The following ARID2 variants were observed in gnomAD, a reference collection of about 807,000 sequenced individuals.
ARID2 encodes the protein AT-rich interaction domain 2.
In ARID2, 32 loss-of-function variants were observed where a neutral mutation model predicts 184.6. That is an observed-to-expected ratio of 0.17 (90% CI 0.13 to 0.23). The LOEUF (loss-of-function observed/expected upper bound fraction) is 0.23. Among genes scored for constraint, ARID2 ranks in the 10% least tolerant of loss-of-function variants. The pLI is 1.00. For synonymous variants in ARID2, 836 were observed against 772.6 expected (o/e 1.08, Z -1.36); for missense variants, 1,696 against 2,197.6 (o/e 0.77, Z 4.56).
chr12:45,849,993 A>C, intron 14 of ARID2, 43 bp from the exon 15 acceptor site: 1 of 1,545,260 alleles, frequency 6.5e-7, no homozygotes, highest in Non-Finnish European at 8.7e-7. Context: ...TGGGATTTTC[A>C]GTCATTTCAT....
chr12:45,746,266 A>G (rs1362965113), intron 3 of ARID2, among the ~76,000 whole-genome samples: 4 of 152,056 alleles, frequency 2.6e-5, no homozygotes, highest in Admixed American at 6.6e-5. Flanking sequence ...GTGTGCCACC[A>G]TACCTGGCTG....
chr12:45,817,524 G>GA, intron 4 of ARID2, 146 bp from the exon 5 acceptor site: 1 of 218,650 alleles, frequency 4.6e-6, no homozygotes, highest in Non-Finnish European at 8.4e-6. Context: ...CCTCTAATCA[G>GA]TTTATATTTT....
At chr12:45,774,301 C>G (rs1297735740) in intron 3 of ARID2, among the ~76,000 whole-genome samples, 2 of 151,324 alleles carry the variant, frequency 1.3e-5, no homozygotes, top group African/African-American at 4.8e-5. Context: ...AGGTCTGTTA[C>G]AAGAATAAAG....
intron 3 of ARID2, among the ~76,000 whole-genome samples, chr12:45,793,698 C>T (rs1238878911): frequency 6.6e-6 from 1 of 151,366 alleles, no homozygotes; most frequent in Non-Finnish European, 1.5e-5. Flanking sequence ...TATACACACA[C>T]ACACACATAT....
chr12:45,731,949 A>G (rs1423577945), intron 3 of ARID2, among the ~76,000 whole-genome samples: 1 of 151,992 alleles, frequency 6.6e-6, no homozygotes. Context: ...ATGAAATGGG[A>G]TACTATAATC....
chr12:45,850,187 T>G lies in ARID2; in HGVS notation c.2064T>G (p.Pro688=). The G allele has an allele frequency of 6.2e-7, 1 of 1,614,120 alleles. No individual in the cohort carries two copies. The highest frequency in any genetic ancestry group is 8.5e-7 in the Non-Finnish European group (1 of 1,179,986). The part of the protein sequence containing the change: ...AQTVSRIPQN[P]SPHTHQQQNA... ...CTGTTTCAAGAATTCCACAAAATCC[T>G]TCACCTCATACCCACCAGCAACAAA... The change falls in exon 15 of 21, where the codon CCT becomes CCG. Residue 688 remains proline (P), a synonymous_variant. Transcript: ENST00000334344.
chr12:45,730,257 T>C, intron 2 of ARID2, 120 bp downstream of exon 2: 1 of 892,884 alleles, frequency 1.1e-6, no homozygotes, highest in Admixed American at 3.1e-5. Context: ...AGGCGTTCTT[T>C]TCGCTCCCAG....
At chr12:45,773,831 C>T (rs1941925433) in intron 3 of ARID2, among the ~76,000 whole-genome samples, 1 of 152,090 alleles carries the variant, frequency 6.6e-6, no homozygotes, top group South Asian at 2.1e-4. Flanking sequence ...AAAATTAGTA[C>T]AGATTCTTCA....
chr12:45,899,810 G>C (rs1294097781), intron 20 of ARID2, among the ~76,000 whole-genome samples: 1 of 148,098 alleles, frequency 6.8e-6, no homozygotes, highest in Non-Finnish European at 1.5e-5. Flanking sequence ...GGGGGAGCCT[G>C]CAACAATTTG....
intron 16 of ARID2, among the ~76,000 whole-genome samples, chr12:45,883,069 G>A (rs528051895): frequency 6.6e-6 from 1 of 152,130 alleles, no homozygotes; most frequent in East Asian, 1.9e-4. Flanking sequence ...TAGATATTTT[G>A]CTAATATTAC....
At chr12:45,773,400 G>T (rs1338044421) in intron 3 of ARID2, among the ~76,000 whole-genome samples, 2 of 151,880 alleles carry the variant, frequency 1.3e-5, no homozygotes, top group Non-Finnish European at 2.9e-5. Flanking sequence ...GGTTCAAGAA[G>T]AAATTAATGA....
chr12:45,853,516 T>G (rs767754498), intron 15 of ARID2, among the ~76,000 whole-genome samples: 9 of 152,220 alleles, frequency 5.9e-5, no homozygotes, highest in Admixed American at 2.0e-4. Context: ...ATGCCTAAGA[T>G]TCCATCTCTG....
At chr12:45,904,357 T>C (rs753924206) in intron 20 of ARID2, 2 of 716,360 alleles carry the variant, frequency 2.8e-6, no homozygotes, top group South Asian at 1.5e-5. Flanking sequence ...TGAATGAAGA[T>C]TGAAAAAGAA....
chr12:45,761,314 T>G (rs934360303), intron 3 of ARID2, among the ~76,000 whole-genome samples: 2 of 152,232 alleles, frequency 1.3e-5, no homozygotes, highest in Non-Finnish European at 2.9e-5. Context: ...TCTTCTAAAA[T>G]TTTTTCCTTC....
At chr12:45,826,366 AAG>A (rs377521701) in intron 6 of ARID2, among the ~76,000 whole-genome samples, 5 of 151,020 alleles carry the variant, frequency 3.3e-5, no homozygotes, top group Non-Finnish European at 4.4e-5. Context: ...ATAGTGGGAA[AAG>A]AGAGAGAGAG....
At chr12:45,839,720 G>A (rs986123519) in intron 11 of ARID2, 17 of 410,478 alleles carry the variant, frequency 4.1e-5, no homozygotes, top group Middle Eastern at 6.3e-4. Context: ...AATTAAGTTC[G>A]GCAGGATTTA....
In ARID2 at chr12:45,793,571, A is replaced by ATT. The variant is rs1248233112; in HGVS notation, c.285-17846_285-17845dup. Among the ~76,000 whole-genome samples, 7 of 151,266 alleles carry ATT rather than the reference A, an allele frequency of 4.6e-5. No homozygotes were observed. The South Asian group carries it at 8.3e-4, about 18-fold the overall frequency. On this transcript the variant is annotated intron_variant, in intron 3 of 20. Transcript: ENST00000334344. ...TGTGTGTGTGTGTGTGTGTATATGT[A>ATT]TTATATATATATGCTATATATGTCA...
intron 12 of ARID2, among the ~76,000 whole-genome samples, chr12:45,847,631 T>C (rs915580248): frequency 6.6e-6 from 1 of 152,070 alleles, no homozygotes; most frequent in Non-Finnish European, 1.5e-5. Context: ...TCCAATGATA[T>C]ATCACTTTAA....
chr12:45,877,763 G>A (rs991622367), intron 16 of ARID2, among the ~76,000 whole-genome samples: 35 of 151,964 alleles, frequency 2.3e-4, no homozygotes, highest in Admixed American at 8.5e-4. Flanking sequence ...TTTATTATCT[G>A]TTAGATCAAT....
Sources: gnomAD v4.1 joint callset for allele counts (sites outside exome capture counted in the v4.1 genomes callset) on GRCh38, gnomAD v4.1.1 for gene constraint, MANE v1.5 for transcripts, NCBI Gene and HGNC (gene_info 2026-07-23, HGNC 2026-07-21) for gene names.